Variants in DLG5 observed in about 807,000 individuals in gnomAD.
DLG5 encodes the protein disks large homolog 5.
In DLG5, 48 loss-of-function variants were observed where a neutral mutation model predicts 189.8. That is an observed-to-expected ratio of 0.25 (90% CI 0.20 to 0.32). The LOEUF (loss-of-function observed/expected upper bound fraction) is 0.32. DLG5 is among the 10% of genes least tolerant of loss of function. The probability of loss-of-function intolerance (pLI) is 1.00; values close to 1 mark genes in which losing one functional copy is unlikely to be tolerated. For synonymous variants in DLG5, 1,016 were observed against 1,054.1 expected (o/e 0.96, Z 0.70); for missense variants, 2,160 against 2,544.7 (o/e 0.85, Z 3.25).
At chr10:77,808,486 G>A (rs959520202) in intron 24 of DLG5, among the ~76,000 whole-genome samples, 27 of 152,102 alleles carry the variant, frequency 1.8e-4, no homozygotes, top group Admixed American at 1.3e-3. Context: ...TGCCCAGGCC[G>A]GTCTTGAACT....
intron 9 of DLG5, 33 bp downstream of exon 9, chr10:77,833,881 T>C (rs1341321834): frequency 1.2e-6 from 2 of 1,601,284 alleles, no homozygotes; most frequent in South Asian, 1.1e-5. Context: ...CCCAGATGCA[T>C]GCCCACTCCA....
intron 1 of DLG5, among the ~76,000 whole-genome samples, chr10:77,911,795 G>A (rs1394011069): frequency 2.6e-5 from 4 of 152,008 alleles, no homozygotes; most frequent in African/African-American, 4.8e-5. Context: ...CAGCCCTGCA[G>A]CCCCCACGGC....
chr10:77,835,489 G>A (rs1343520127), intron 8 of DLG5, among the ~76,000 whole-genome samples: 3 of 152,174 alleles, frequency 2.0e-5, no homozygotes, highest in African/African-American at 4.8e-5. Context: ...CCTTCACAGC[G>A]GTCTCACGTG....
chr10:77,809,840 A>C, intron 23 of DLG5, 110 bp from the exon 24 acceptor site: 2 of 1,286,856 alleles, frequency 1.6e-6, no homozygotes, highest in Non-Finnish European at 2.2e-6. Flanking sequence ...GGGGTCTCAG[A>C]ACCACAGGGA....
Position 77,926,409 on chromosome 10 carries a change from G to T in DLG5, c.112C>A (p.Pro38Thr), listed in dbSNP as rs769140758. 6.3e-7 allele frequency: 1 copy of T among 1,585,308 alleles called. No homozygotes were observed. The highest frequency in any genetic ancestry group is 8.6e-7 in the Non-Finnish European group (1 of 1,168,250). ...TCGTCCAGCTGCCGCCGCTCGCCGG[G>T]ACTGAGCGCTCCCGCGGCCTCGAGC... Reference protein sequence around the residue: ...GLLEAAGALSPGERRQLDEEA... With the variant: ...GLLEAAGALSTGERRQLDEEA... The change falls in exon 1 of 32, where the codon CCC (proline) becomes ACC (threonine). Residue 38 changes from proline (P) to threonine (T), a missense_variant. By Grantham distance (38) the Pro-to-Thr change is conservative. Transcript: ENST00000372391. This position sits in a 1 kb window ranked among gnomAD's most constrained non-coding sequence, Gnocchi z 5.2.
chr10:77,863,602 T>C (rs76419819), intron 2 of DLG5, among the ~76,000 whole-genome samples: 113 of 152,328 alleles, frequency 7.4e-4, no homozygotes, highest in African/African-American at 2.5e-3. Flanking sequence ...CAACAAAAGC[T>C]TCCAATGCAG....
intron 1 of DLG5, among the ~76,000 whole-genome samples, chr10:77,901,578 G>A (rs887156366): frequency 6.6e-5 from 10 of 152,336 alleles, no homozygotes; most frequent in South Asian, 4.1e-4. Context: ...TGCGGTCCAC[G>A]CTGACGGGTG....
chr10:77,910,349 T>C lies in DLG5; in HGVS notation c.304+15868A>G, dbSNP rs556923020. On this transcript the variant is annotated intron_variant, in intron 1 of 31. Coordinates refer to ENST00000372391, the MANE Select transcript of DLG5 (RefSeq NM_004747.4). ...AAACTCTACTGGCCGAGTGTGCCCA[T>C]CTGTAAAAGATAAATATCAATTGCA... Among the ~76,000 whole-genome samples, 53 of 152,332 alleles carry C rather than the reference T, an allele frequency of 3.5e-4. 1 individual carries two copies. Among genetic ancestry groups the C allele is most frequent in the African/African-American group, 1.3e-3 (52 of 41,576 alleles).
rs1325466831 is a variant in DLG5, at chr10:77,843,812, T to C, written c.865-106A>G. The stretch of plus-strand genomic sequence containing the variant: ...GAGGGTGAGACTGATGACAAGGCGG[T>C]TGGGGGGAGGGGGTTACCCTAAAGC... On this transcript the variant is annotated intron_variant, in intron 5 of 31. Transcript: ENST00000372391. 2.6e-5 allele frequency: 39 copies of C among 1,481,714 alleles called. 1 individual carries two copies. Among genetic ancestry groups the C allele is most frequent in the South Asian group, 8.6e-5 (7 of 81,358 alleles). 91.8% of individuals were successfully genotyped at this position (1,481,714 alleles called of 1,614,324 possible).
Position 77,816,696 on chromosome 10 carries a change from C to T in DLG5, c.3880G>A (p.Val1294Met). 5.0e-6 allele frequency: 8 copies of T among 1,607,316 alleles called. No homozygotes were observed. The highest frequency in any genetic ancestry group is 6.8e-6 in the Non-Finnish European group (8 of 1,176,538). The part of the protein sequence containing the change: ...RSVVGSERGS[V>M]SHSECSTPPQ... ...GGAGTGCTGCATTCAGAATGTGACACTGAACCTGCAGAGAGGAGCGGGTAA... is the reference window on the plus strand; with the variant it reads ...GGAGTGCTGCATTCAGAATGTGACATTGAACCTGCAGAGAGGAGCGGGTAA... The change falls in exon 20 of 32, where the codon GTG (valine) becomes ATG (methionine). Residue 1294 changes from valine to methionine, a missense_variant. By Grantham distance (21) the Val-to-Met change is conservative. Around this residue, in one of 5 missense-constraint regions of DLG5, gnomAD observed 754 missense variants for 746.5 expected, o/e 1.01. Coordinates refer to ENST00000372391, the MANE Select transcript of DLG5 (RefSeq NM_004747.4).
At chr10:77,891,779 G>T (rs1482079859) in intron 1 of DLG5, among the ~76,000 whole-genome samples, 1 of 152,178 alleles carries the variant, frequency 6.6e-6, no homozygotes, top group Non-Finnish European at 1.5e-5. Flanking sequence ...CACAGCAGGT[G>T]GCTGAGGGCT....
chr10:77,907,666 C>A (rs1001020428), intron 1 of DLG5, among the ~76,000 whole-genome samples: 3 of 152,180 alleles, frequency 2.0e-5, no homozygotes, highest in Non-Finnish European at 2.9e-5. Context: ...ACTTATTTAA[C>A]CCTCACAATA....
chr10:77,792,857 T>C (rs1840705461), intron 31 of DLG5: 3 of 365,484 alleles, frequency 8.2e-6, no homozygotes, highest in Non-Finnish European at 1.5e-5. Flanking sequence ...GTCTAATCAT[T>C]AGCAGGATTC....
At chr10:77,850,889 G>C (rs183493726) in intron 5 of DLG5, among the ~76,000 whole-genome samples, 1 of 152,322 alleles carries the variant, frequency 6.6e-6, no homozygotes, top group East Asian at 1.9e-4. Flanking sequence ...GACCGAGGTG[G>C]AGCCACATAC....
chr10:77,938,865 C>T, the DLG5 span, among the ~76,000 whole-genome samples: 2 of 152,182 alleles, frequency 1.3e-5, no homozygotes, highest in Non-Finnish European at 1.5e-5. Context: ...GCTGAGAAGT[C>T]CCAGAAGAGC....
At chr10:77,798,372 G>A (rs894314008) in intron 27 of DLG5, among the ~76,000 whole-genome samples, 8 of 151,954 alleles carry the variant, frequency 5.3e-5, no homozygotes, top group African/African-American at 9.7e-5. Context: ...GAGGAGTCAC[G>A]GGGCAAAGAA....
At chr10:77,861,484 G>A (rs188459789) in intron 2 of DLG5, among the ~76,000 whole-genome samples, 61 of 152,338 alleles carry the variant, frequency 4.0e-4, no homozygotes, top group Admixed American at 1.8e-3. Flanking sequence ...CGGCAGGACA[G>A]AAGGAGGGGC....
intron 20 of DLG5, among the ~76,000 whole-genome samples, chr10:77,812,740 G>A (rs1841845483): frequency 6.6e-6 from 1 of 152,246 alleles, no homozygotes; most frequent in Admixed American, 6.5e-5. Context: ...TGCCCTCCGA[G>A]GAAAAGAGAT....
rs57321187 is a variant in DLG5 at position 77,790,805 on chromosome 10, C to T, written c.*1635G>A. The T allele has an allele frequency of 6.6e-6, 1 of 152,342 alleles. No homozygotes were observed. The highest frequency in any genetic ancestry group is 1.9e-4 in the East Asian group (1 of 5,186). The allele number at this position is 152,342 out of a possible 1,614,324, so 9.4% of individuals were successfully genotyped here. ...CAAACACAGCCTTACAGAAATTGAC[C>T]TTTATTTGTTGTACTAAAGCCTGTT... On this transcript the variant is annotated 3_prime_UTR_variant, in exon 32 of 32. Transcript: ENST00000372391.
Sources: gnomAD v4.1 joint callset for allele counts (sites outside exome capture counted in the v4.1 genomes callset) on GRCh38, gnomAD v4.1.1 for gene constraint, gnomAD v4.1.1 regional missense constraint, Gnocchi (gnomAD v3.1) non-coding constraint, MANE v1.5 for transcripts, NCBI Gene and HGNC (gene_info 2026-07-23, HGNC 2026-07-21) for gene names.